Variants in EFNA5 observed in about 807,000 individuals in gnomAD.
The protein encoded by EFNA5 is ephrin A5, also known as ephrin-A5.
EFNA5 carries 5 observed loss-of-function variants against 22.9 expected under a neutral mutation model. That is an observed-to-expected ratio of 0.22 (90% CI 0.11 to 0.46). The LOEUF (loss-of-function observed/expected upper bound fraction) is 0.46, where lower values mean the gene tolerates loss of function less well. Among genes scored for constraint, EFNA5 ranks in the 20% least tolerant of loss-of-function variants. The pLI, the probability that EFNA5 is intolerant of heterozygous loss-of-function variation, is 0.99. For synonymous variants in EFNA5, 113 were observed against 112.2 expected (o/e 1.01, Z -0.04); for missense variants, 237 against 293.3 (o/e 0.81, Z 1.40).
chr5:107,646,444 C>T (rs983033984), intron 1 of EFNA5, among the ~76,000 whole-genome samples: 15 of 152,112 alleles, frequency 9.9e-5, no homozygotes, highest in African/African-American at 2.9e-4. Flanking sequence ...GTGTGCCAAG[C>T]ACTATGTTGA....
At chr5:107,555,794 A>T (rs1156664041) in intron 1 of EFNA5, among the ~76,000 whole-genome samples, 1 of 152,224 alleles carries the variant, frequency 6.6e-6, no homozygotes, top group African/African-American at 2.4e-5. Flanking sequence ...CTCCATTTCA[A>T]GAATATAGTA....
intron 1 of EFNA5, among the ~76,000 whole-genome samples, chr5:107,465,248 T>G (rs1013260464): frequency 1.3e-5 from 2 of 152,196 alleles, no homozygotes; most frequent in Non-Finnish European, 2.9e-5. Context: ...CCGTCTTTTC[T>G]TGCATACTGG....
chr5:107,477,354 T>C (rs1302431403), intron 1 of EFNA5, among the ~76,000 whole-genome samples: 2 of 152,190 alleles, frequency 1.3e-5, no homozygotes, highest in Non-Finnish European at 2.9e-5. Context: ...TAGAATAATA[T>C]CTGCAGAAAC....
At chr5:107,421,765 C>T (rs908149659) in intron 2 of EFNA5, among the ~76,000 whole-genome samples, 10 of 151,378 alleles carry the variant, frequency 6.6e-5, no homozygotes, top group African/African-American at 2.4e-4. Context: ...TATAATAGAC[C>T]CCAGGACTTT....
At position 107,659,982 on chromosome 5, in the gene EFNA5, A is replaced by G. The variant is rs560618284; in HGVS notation, c.125+10507T>C. Among the ~76,000 whole-genome samples, 34 of 151,898 alleles carry G rather than the reference A, an allele frequency of 2.2e-4. No individual in the cohort carries two copies. The South Asian group carries it at 6.7e-3, about 30-fold the overall frequency. ...GGTATGTCTGACCTTAGGTGTACAT[A>G]TTCTTATGGAATATCGTGTATACAT... On this transcript the variant is annotated intron_variant, in intron 1 of 4. Transcript: ENST00000333274.
intron 1 of EFNA5, among the ~76,000 whole-genome samples, chr5:107,472,405 G>GT (rs1750164802): frequency 1.3e-5 from 2 of 152,166 alleles, no homozygotes; most frequent in Non-Finnish European, 2.9e-5. Flanking sequence ...GATAAAAATT[G>GT]TAACACTTTG....
Position 107,670,614 on chromosome 5 carries a change from C to A in EFNA5, c.-1G>T. Reference sequence around the variant, plus strand: ...GCGTCAACATCTCCACGTGCAACATCACGCCTGGCCAGCGGCGGAGCCCCC... The same window carrying A: ...GCGTCAACATCTCCACGTGCAACATAACGCCTGGCCAGCGGCGGAGCCCCC... On this transcript the variant is annotated 5_prime_UTR_variant, in exon 1 of 5. Coordinates refer to ENST00000333274, the MANE Select transcript of EFNA5 (RefSeq NM_001962.3). The A allele has an allele frequency of 6.2e-7, 1 of 1,601,630 alleles. No individual in the cohort carries two copies. Among genetic ancestry groups the A allele is most frequent in the Non-Finnish European group, 8.5e-7 (1 of 1,174,684 alleles).
chr5:107,560,641 T>C (rs1255760296), intron 1 of EFNA5, among the ~76,000 whole-genome samples: 2 of 152,234 alleles, frequency 1.3e-5, no homozygotes, highest in Non-Finnish European at 2.9e-5. Context: ...CCTAGCTGTG[T>C]AGCAAGGACA....
chr5:107,563,863 T>C (rs1561434129), intron 1 of EFNA5, among the ~76,000 whole-genome samples: 1 of 152,200 alleles, frequency 6.6e-6, no homozygotes, highest in Non-Finnish European at 1.5e-5. Context: ...TTAAGATTAT[T>C]CTTTCTAAAG....
At chr5:107,530,083 G>A (rs1319061297) in intron 1 of EFNA5, among the ~76,000 whole-genome samples, 2 of 152,162 alleles carry the variant, frequency 1.3e-5, no homozygotes, top group African/African-American at 2.4e-5. Flanking sequence ...GAATAGTCAG[G>A]ATAGGCTAGA....
intron 1 of EFNA5, among the ~76,000 whole-genome samples, chr5:107,477,255 A>G (rs1750337138): frequency 2.0e-5 from 3 of 152,240 alleles, no homozygotes; most frequent in African/African-American, 7.2e-5. Flanking sequence ...TCATAATATT[A>G]ACATATAGAT....
chr5:107,523,406 A>C (rs1025999200), intron 1 of EFNA5, among the ~76,000 whole-genome samples: 10 of 152,184 alleles, frequency 6.6e-5, no homozygotes, highest in Non-Finnish European at 8.8e-5. Context: ...CTTTGCAAGC[A>C]GACATACCAC....
intron 1 of EFNA5, among the ~76,000 whole-genome samples, chr5:107,538,161 G>T (rs967146060): frequency 3.3e-5 from 5 of 152,132 alleles, no homozygotes. Flanking sequence ...TCCACAAAGG[G>T]TGCATCTCCA....
chr5:107,414,230 C>T (rs1280380123), intron 2 of EFNA5, among the ~76,000 whole-genome samples: 3 of 152,130 alleles, frequency 2.0e-5, no homozygotes, highest in Non-Finnish European at 2.9e-5. Context: ...AGACAGATCA[C>T]GAAATTTGGG....
chr5:107,631,648 T>A (rs1750255767), intron 1 of EFNA5, among the ~76,000 whole-genome samples: 1 of 152,144 alleles, frequency 6.6e-6, no homozygotes, highest in Admixed American at 6.6e-5. Flanking sequence ...ACAAAAAACA[T>A]AAATATTTAT....
intron 1 of EFNA5, among the ~76,000 whole-genome samples, chr5:107,445,265 T>C (rs1749360825): frequency 6.6e-6 from 1 of 152,142 alleles, no homozygotes; most frequent in African/African-American, 2.4e-5. Flanking sequence ...ACAAGTGATC[T>C]GCCTGGCTGG....
intron 1 of EFNA5, among the ~76,000 whole-genome samples, chr5:107,637,199 C>T (rs144375662): frequency 1.6e-4 from 24 of 151,992 alleles, no homozygotes; most frequent in Admixed American, 1.2e-3. Flanking sequence ...AAAATAAAAT[C>T]GTAATATAAT....
chr5:107,611,624 T>C (rs116651365), intron 1 of EFNA5, among the ~76,000 whole-genome samples: 233 of 152,340 alleles, frequency 1.5e-3, no homozygotes, highest in African/African-American at 5.3e-3. Flanking sequence ...TGGGTTCTAA[T>C]TGTGAATATG....
At chr5:107,395,199 T>C (rs1747890816) in intron 2 of EFNA5, among the ~76,000 whole-genome samples, 1 of 151,898 alleles carries the variant, frequency 6.6e-6, no homozygotes, top group East Asian at 1.9e-4. Flanking sequence ...CCAACATGCC[T>C]GGCTAATTTT....
Sources: gnomAD v4.1 joint callset for allele counts (sites outside exome capture counted in the v4.1 genomes callset) on GRCh38, gnomAD v4.1.1 for gene constraint, MANE v1.5 for transcripts, NCBI Gene and HGNC (gene_info 2026-07-23, HGNC 2026-07-21) for gene names.